The following ZZZ3 variants were observed in gnomAD, a reference collection of about 807,000 sequenced individuals.
ZZZ3 encodes the protein ZZ-type zinc finger-containing protein 3.
In ZZZ3, 22 loss-of-function variants were observed where a neutral mutation model predicts 95.2. That is an observed-to-expected ratio of 0.23 (90% CI 0.17 to 0.33). ZZZ3 has a LOEUF of 0.33. Among genes scored for constraint, ZZZ3 ranks in the 10% least tolerant of loss-of-function variants. The pLI, the probability that ZZZ3 is intolerant of heterozygous loss-of-function variation, is 1.00. For missense variants in ZZZ3, 885 were observed against 1,066.5 expected, an observed-to-expected ratio of 0.83 and a Z score of 2.37; for synonymous variants, 335 against 358.9, an observed-to-expected ratio of 0.93 and a Z score of 0.75.
intron 5 of ZZZ3, among the ~76,000 whole-genome samples, chr1:77,591,877 A>C (rs1390452613): frequency 1.3e-5 from 2 of 152,206 alleles, no homozygotes; most frequent in African/African-American, 4.8e-5. Flanking sequence ...ATCTAAGTGA[A>C]AGAATAAACT....
At chr1:77,598,177 TAAC>T (rs1557712009) in intron 5 of ZZZ3, among the ~76,000 whole-genome samples, 1 of 152,132 alleles carries the variant, frequency 6.6e-6, no homozygotes, top group African/African-American at 2.4e-5. Context: ...CCTTACCATA[TAAC>T]ATAAACAGTC....
chr1:77,631,867 T>A lies in ZZZ3; in HGVS notation c.1488A>T (p.Ala496=). 6.3e-7 allele frequency: 1 copy of A among 1,592,560 alleles called. No homozygotes were observed. The highest frequency in any genetic ancestry group is 1.1e-5 in the South Asian group (1 of 87,296). The change falls in exon 5 of 15, where the codon GCA becomes GCT. Residue 496 remains alanine, a synonymous_variant. Coordinates refer to ENST00000370801, the MANE Select transcript of ZZZ3 (RefSeq NM_015534.6). The stretch of plus-strand genomic sequence containing the variant: ...ACACATACTCTTTGTTGTGTTTCAG[T>A]GCCACATGATCTGATTCAAAGTAAT... ...DVYYFESDHV[A]LKHNKDYQRL...
chr1:77,641,691 G>A (rs1187068085), intron 1 of ZZZ3, 36 bp from the exon 2 acceptor site: 1 of 396,454 alleles, frequency 2.5e-6, no homozygotes, highest in Non-Finnish European at 4.4e-6. Context: ...CACTATAGAT[G>A]TGTTACCGTT....
intron 1 of ZZZ3, among the ~76,000 whole-genome samples, chr1:77,666,497 C>T (rs1671261124): frequency 6.6e-6 from 1 of 152,170 alleles, no homozygotes; most frequent in South Asian, 2.1e-4. Flanking sequence ...CGTGCCACTG[C>T]ACTCCAGCCT....
At chr1:77,670,272 T>TTG (rs1491522876) in intron 1 of ZZZ3, among the ~76,000 whole-genome samples, 1 of 122,614 alleles carries the variant, frequency 8.2e-6, no homozygotes. Context: ...TTTTTTTTTT[T>TTG]GGGGGGGGGC....
At chr1:77,607,549 G>T (rs1254329389) in intron 5 of ZZZ3, among the ~76,000 whole-genome samples, 1 of 152,184 alleles carries the variant, frequency 6.6e-6, no homozygotes, top group African/African-American at 2.4e-5. Flanking sequence ...CTGATATACT[G>T]AAGAATGAAT....
Position 77,578,857 on chromosome 1 carries a change from C to T in ZZZ3, c.2095G>A (p.Val699Ile), listed in dbSNP as rs369835030. 41 of 1,563,484 alleles carry T rather than the reference C, an allele frequency of 2.6e-5. No homozygotes were observed. The highest frequency in any genetic ancestry group is 2.0e-5 in the Admixed American group (1 of 50,992). The change falls in exon 11 of 15, where the codon GTA (valine) becomes ATA (isoleucine). Residue 699 changes from valine (V) to isoleucine (I), a missense_variant. Physicochemically the swap from Val to Ile is conservative, Grantham distance 29. Around this residue, in one of 5 missense-constraint regions of ZZZ3, gnomAD observed 221 missense variants for 247.8 expected, o/e 0.89. Transcript: ENST00000370801. ...GTTAGCTTTATGAAATACTTCTGTA[C>T]TCGGCTGGCAACCTAAGGAAACATG... is the stretch of plus-strand genomic sequence containing the variant. ...NRTAKQVASR[V>I]QKYFIKLTKA...
chr1:77,611,702 T>G (rs1006270393), intron 5 of ZZZ3, among the ~76,000 whole-genome samples: 2 of 152,062 alleles, frequency 1.3e-5, no homozygotes, highest in Admixed American at 1.3e-4. Flanking sequence ...CAATTGGTCT[T>G]TGACAAAGGT....
intron 1 of ZZZ3, among the ~76,000 whole-genome samples, chr1:77,671,322 G>C (rs1212357594): frequency 6.6e-6 from 1 of 152,116 alleles, no homozygotes; most frequent in Non-Finnish European, 1.5e-5. Context: ...TCAAACCACA[G>C]CTATTTCCAC....
chr1:77,647,042 T>C (rs1669341478), intron 1 of ZZZ3, among the ~76,000 whole-genome samples: 1 of 152,172 alleles, frequency 6.6e-6, no homozygotes, highest in African/African-American at 2.4e-5. Flanking sequence ...GGCAAGGGTA[T>C]GCCAGAAAAC....
Position 77,632,181 on chromosome 1 carries a change from G to T in ZZZ3, c.1174C>A (p.Pro392Thr). ...CTGTAAGGAGAACTGTTTTTAGTGG[G>T]ACTACCTCTGGTAGGGGCTGCCCTT... ...PRRAAPTRGSPTKNSSPYREN... is the reference protein window; with the variant it reads ...PRRAAPTRGSTTKNSSPYREN... The change falls in exon 5 of 15, where the codon CCC becomes ACC. Residue 392 changes from proline (P) to threonine (T), a missense_variant. By Grantham distance (38) the Pro-to-Thr change is conservative. Transcript: ENST00000370801. The T allele has an allele frequency of 6.2e-7, 1 of 1,614,016 alleles. No homozygotes were observed. Among genetic ancestry groups the T allele is most frequent in the Non-Finnish European group, 8.5e-7 (1 of 1,180,006 alleles).
chr1:77,573,210 C>T (rs547096724), intron 12 of ZZZ3, among the ~76,000 whole-genome samples: 2 of 152,134 alleles, frequency 1.3e-5, no homozygotes, highest in Middle Eastern at 3.2e-3. Flanking sequence ...ACCTCTGCCT[C>T]CCGGGTTCAG....
chr1:77,672,217 A>C (rs1010112126), intron 1 of ZZZ3, among the ~76,000 whole-genome samples: 2 of 152,200 alleles, frequency 1.3e-5, no homozygotes, highest in African/African-American at 4.8e-5. Flanking sequence ...GTGAAATTTG[A>C]ATTTCTAGTA....
At chr1:77,679,191 T>C (rs1406421712) in intron 1 of ZZZ3, among the ~76,000 whole-genome samples, 1 of 152,228 alleles carries the variant, frequency 6.6e-6, no homozygotes, top group Non-Finnish European at 1.5e-5. Context: ...TACAGAAATT[T>C]GCACCAGAGT....
rs574630400 is a variant in ZZZ3 at position 77,621,749 on chromosome 1, C to T, written c.1505+10101G>A. Among the ~76,000 whole-genome samples, 7 of 151,604 alleles carry T rather than the reference C, an allele frequency of 4.6e-5. No individual in the cohort carries two copies. In the East Asian group the frequency reaches 1.2e-3, roughly 25 times the overall value. On this transcript the variant is annotated intron_variant, in intron 5 of 14. Transcript: ENST00000370801. ...GGAGGATTTCCTGTGCCCAGGAAAT[C>T]GAGGCTGCGGTAAGGCATGATCACA...
At chr1:77,613,959 C>T (rs914420268) in intron 5 of ZZZ3, among the ~76,000 whole-genome samples, 1 of 152,124 alleles carries the variant, frequency 6.6e-6, no homozygotes, top group African/African-American at 2.4e-5. Flanking sequence ...GCAGTGCTAC[C>T]TCTGATGCAG....
intron 11 of ZZZ3, among the ~76,000 whole-genome samples, 186 bp from the exon 12 acceptor site, chr1:77,576,406 T>A (rs1661950384): frequency 6.6e-6 from 1 of 151,706 alleles, no homozygotes; most frequent in Non-Finnish European, 1.5e-5. Context: ...TTTAAAAAAT[T>A]TTTTTTAAAT....
rs971869832 is a variant in ZZZ3 at position 77,578,797 on chromosome 1, T to C, written c.2155A>G (p.Asn719Asp). Residue 719 changes from asparagine (N) to aspartate (D), a missense_variant, in exon 11 of 15, where the codon AAC becomes GAC. Around this residue, in one of 5 missense-constraint regions of ZZZ3, gnomAD observed 221 missense variants for 247.8 expected, o/e 0.89. Coordinates refer to ENST00000370801, the MANE Select transcript of ZZZ3 (RefSeq NM_015534.6). Reference sequence around the variant, plus strand: ...ACCTTTTTGGAGTATATATATAAGTTTGGTGTTCTGCCTGGTACTGGAATG... The same window carrying C: ...ACCTTTTTGGAGTATATATATAAGTCTGGTGTTCTGCCTGGTACTGGAATG... ...AGIPVPGRTPNLYIYSKKSST... is the reference protein window; with the variant it reads ...AGIPVPGRTPDLYIYSKKSST... 5.1e-6 allele frequency: 8 copies of C among 1,559,664 alleles called. No homozygotes were observed. The highest frequency in any genetic ancestry group is 6.9e-6 in the Non-Finnish European group (8 of 1,157,324).
In ZZZ3 at chr1:77,630,358, C is replaced by T. The variant is rs556159723; in HGVS notation, c.1505+1492G>A. Among the ~76,000 whole-genome samples the T allele has an allele frequency of 3.3e-5, 5 of 152,170 alleles. No individual in the cohort carries two copies. The South Asian group carries it at 1.0e-3, about 32-fold the overall frequency. On this transcript the variant is annotated intron_variant, in intron 5 of 14. Transcript: ENST00000370801. ...AGGAGTGGTGGCATGTGCCTGTAGT[C>T]CCAGCTACTTGGGAGGCTGAGATGG...
Sources: gnomAD v4.1 joint callset for allele counts (sites outside exome capture counted in the v4.1 genomes callset) on GRCh38, gnomAD v4.1.1 for gene constraint, gnomAD v4.1.1 regional missense constraint, MANE v1.5 for transcripts, NCBI Gene and HGNC (gene_info 2026-07-23, HGNC 2026-07-21) for gene names.